BCL11B: variants seen among roughly 807,000 people sequenced by gnomAD.
BCL11B encodes the protein B-cell lymphoma/leukemia 11B.
BCL11B carries 8 observed loss-of-function variants against 49.9 expected under a neutral mutation model. That is an observed-to-expected ratio of 0.16 (90% CI 0.09 to 0.29). BCL11B has a LOEUF of 0.29. BCL11B is among the 10% of genes least tolerant of loss of function. BCL11B has a pLI of 1.00. For missense variants in BCL11B, 1,006 were observed against 1,351.0 expected, an observed-to-expected ratio of 0.74 and a Z score of 4.00; for synonymous variants, 739 against 637.4, an observed-to-expected ratio of 1.16 and a Z score of -2.40.
intron 3 of BCL11B, among the ~76,000 whole-genome samples, chr14:99,223,469 C>A (rs565348280): frequency 6.6e-6 from 1 of 152,306 alleles, no homozygotes; most frequent in South Asian, 2.1e-4. Context: ...CACAAATTCT[C>A]TGGAAGGAAC....
chr14:99,199,583 A>G (rs2139814828), intron 3 of BCL11B, among the ~76,000 whole-genome samples: 1 of 152,092 alleles, frequency 6.6e-6, no homozygotes, highest in South Asian at 2.1e-4. Context: ...ACCACAAGGC[A>G]TAATTGATTC....
Position 99,257,613 on chromosome 14 carries a change from C to T in BCL11B, c.285G>A (p.Lys95=), listed in dbSNP as rs761653466. 7.4e-6 allele frequency: 12 copies of T among 1,614,108 alleles called. No homozygotes were observed. Among genetic ancestry groups the T allele is most frequent in the Non-Finnish European group, 8.5e-6 (10 of 1,179,964 alleles). ...LGACYDKALD[K]DSPPPSSRSE... is the part of the protein sequence containing the mutation. ...AGCGTGAGGAGGGTGGCGGGCTGTC[C>T]TTGTCCAGGGCCTTGTCATAGCAGG... Residue 95 remains lysine, a synonymous_variant, in exon 2 of 4, where the codon AAG becomes AAA. Coordinates refer to ENST00000357195, the MANE Select transcript of BCL11B (RefSeq NM_138576.4). The surrounding 1 kb of genome is among the most constrained non-coding windows in gnomAD (Gnocchi z 6.2).
In BCL11B at chr14:99,181,709, C is replaced by T. The variant is rs73420774; in HGVS notation, c.641-5514G>A. Among the ~76,000 whole-genome samples the T allele has an allele frequency of 9.7e-3, 1,480 of 152,284 alleles. 25 individuals are homozygous for T. The highest frequency in any genetic ancestry group is 0.033 in the African/African-American group (1,392 of 41,560). On this transcript the variant is annotated intron_variant, in intron 3 of 3. Transcript: ENST00000357195. ...TTCACAGAGCGAGCAAGCGAGCCTG[C>T]GGGGTATGACACGTCACTGGGGACC...
At chr14:99,264,934 G>C (rs2664308) in intron 1 of BCL11B, among the ~76,000 whole-genome samples, 75,689 of 151,992 alleles carry the variant, frequency 0.5, 19,844 homozygotes, top group East Asian at 0.86. Context: ...GATGGAGCAA[G>C]AGGGGGACCG....
chr14:99,199,650 G>A (rs746146007), intron 3 of BCL11B, among the ~76,000 whole-genome samples: 5 of 79,048 alleles, frequency 6.3e-5, no homozygotes, highest in Admixed American at 5.5e-4. Flanking sequence ...CTGTGTGTGT[G>A]TGTGTGTGTG....
chr14:99,174,695 C>G lies in BCL11B; in HGVS notation c.2141G>C (p.Gly714Ala). 6.4e-7 allele frequency: 1 copy of G among 1,571,836 alleles called. No homozygotes were observed. The highest frequency in any genetic ancestry group is 8.6e-7 in the Non-Finnish European group (1 of 1,161,180). ...CATGAAGTGCCGCGACGCCGCGTAGCCCACCAGCCACTGCGAGTACACGTT... is the reference window on the plus strand; with the variant it reads ...CATGAAGTGCCGCGACGCCGCGTAGGCCACCAGCCACTGCGAGTACACGTT... ...SENVYSQWLV[G>A]YAASRHFMKD... The change falls in exon 4 of 4, where the codon GGC (glycine) becomes GCC (alanine). Residue 714 changes from glycine to alanine, a missense_variant. Transcript: ENST00000357195.
rs955264148 is a variant in BCL11B at position 99,172,002 on chromosome 14, C to T, written c.*2149G>A. The stretch of plus-strand genomic sequence containing the variant: ...CCAAAAGAAAACAATATACACGCGG[C>T]CACTGTGGCATTTTTGTATAACCTA... On this transcript the variant is annotated 3_prime_UTR_variant, in exon 4 of 4. Coordinates refer to ENST00000357195, the MANE Select transcript of BCL11B (RefSeq NM_138576.4). 3 of 208,126 alleles carry T rather than the reference C, an allele frequency of 1.4e-5. No homozygotes were observed. Among genetic ancestry groups the T allele is most frequent in the African/African-American group, 6.9e-5 (3 of 43,684 alleles). The allele number at this position is 208,126 out of a possible 1,614,324, so 12.9% of individuals were successfully genotyped here.
chr14:99,199,174 C>T (rs1887269827), intron 3 of BCL11B, among the ~76,000 whole-genome samples: 1 of 152,124 alleles, frequency 6.6e-6, no homozygotes, highest in South Asian at 2.1e-4. Flanking sequence ...ATTACCGTGA[C>T]CAGCCTAATA....
At position 99,262,562 on chromosome 14, in the gene BCL11B, G is replaced by C. The variant is rs866305052; in HGVS notation, c.59-4723C>G. Among the ~76,000 whole-genome samples, 5 of 152,180 alleles carry C rather than the reference G, an allele frequency of 3.3e-5. No individual in the cohort carries two copies. The highest frequency in any genetic ancestry group is 2.1e-4 in the South Asian group (1 of 4,828). On this transcript the variant is annotated intron_variant, in intron 1 of 3. Coordinates refer to ENST00000357195, the MANE Select transcript of BCL11B (RefSeq NM_138576.4). The surrounding 1 kb of genome is among the most constrained non-coding windows in gnomAD (Gnocchi z 4.2). The stretch of plus-strand genomic sequence containing the variant: ...CCACCAACGTCACAACCGCCATCAT[G>C]ATGTGTACGCATGTTTACAAGAAAT...
chr14:99,172,695 T>C lies in BCL11B; in HGVS notation c.*1456A>G, dbSNP rs1886329978. 1 of 216,658 alleles carries C rather than the reference T, an allele frequency of 4.6e-6. No homozygotes were observed. The highest frequency in any genetic ancestry group is 2.3e-5 in the African/African-American group (1 of 44,392). 13.4% of individuals were successfully genotyped at this position (216,658 alleles called of 1,614,324 possible). Reference sequence around the variant, plus strand: ...GCTGTCCCTTACAGTTTAACCCACCTCTGGGCCAAAGAGAAGAATATGCTG... The same window carrying C: ...GCTGTCCCTTACAGTTTAACCCACCCCTGGGCCAAAGAGAAGAATATGCTG... On this transcript the variant is annotated 3_prime_UTR_variant, in exon 4 of 4. Coordinates refer to ENST00000357195, the MANE Select transcript of BCL11B (RefSeq NM_138576.4).
chr14:99,254,995 T>C (rs904553773), intron 2 of BCL11B, among the ~76,000 whole-genome samples: 1 of 152,196 alleles, frequency 6.6e-6, no homozygotes, highest in African/African-American at 2.4e-5. Context: ...GGAATTCAAT[T>C]AAGCTAAAAT....
At chr14:99,186,143 A>T (rs572948369) in intron 3 of BCL11B, among the ~76,000 whole-genome samples, 10 of 152,210 alleles carry the variant, frequency 6.6e-5, no homozygotes, top group Non-Finnish European at 1.5e-4. Flanking sequence ...AGCAGTGTGG[A>T]ACCCAGAGGA....
In BCL11B at chr14:99,271,246, C is replaced by T; in HGVS notation, c.-28G>A. 1.3e-6 allele frequency: 2 copies of T among 1,487,178 alleles called. No individual in the cohort carries two copies. The highest frequency in any genetic ancestry group is 8.9e-7 in the Non-Finnish European group (1 of 1,121,490). The allele number at this position is 1,487,178 out of a possible 1,614,324, so 92.1% of individuals were successfully genotyped here. ...CCCCGGCATCTATTCTGGCATCGCCCGGAGAGCTGCACTGATGGGGGGAGC... is the reference window on the plus strand; with the variant it reads ...CCCCGGCATCTATTCTGGCATCGCCTGGAGAGCTGCACTGATGGGGGGAGC... On this transcript the variant is annotated 5_prime_UTR_variant, in exon 1 of 4. Transcript: ENST00000357195.
At chr14:99,207,015 A>T (rs1298310144) in intron 3 of BCL11B, among the ~76,000 whole-genome samples, 1 of 152,214 alleles carries the variant, frequency 6.6e-6, no homozygotes, top group Non-Finnish European at 1.5e-5. Flanking sequence ...GTTGATCCAA[A>T]ACTCTCTATG....
chr14:99,253,309 G>A (rs1167714844), intron 2 of BCL11B, among the ~76,000 whole-genome samples: 1 of 152,184 alleles, frequency 6.6e-6, no homozygotes, highest in African/African-American at 2.4e-5. Context: ...GAATGGACGG[G>A]AGAGAGTCTA....
At chr14:99,208,790 T>C (rs980544924) in intron 3 of BCL11B, among the ~76,000 whole-genome samples, 1 of 152,146 alleles carries the variant, frequency 6.6e-6, no homozygotes, top group Non-Finnish European at 1.5e-5. Context: ...TCTAGTTCCA[T>C]TCACCCACCC....
chr14:99,205,277 C>G lies in BCL11B; in HGVS notation c.640+26068G>C, dbSNP rs918660380. 2.6e-5 allele frequency among the ~76,000 whole-genome samples: 4 copies of G among 152,172 alleles called. No individual in the cohort carries two copies. The highest frequency in any genetic ancestry group is 5.9e-5 in the Non-Finnish European group (4 of 68,036). ...CGGCCATTTCTTCATGGAGGTGTGGCCACAGGGTCTCAGACCCTGAAAATG... is the reference window on the plus strand; with the variant it reads ...CGGCCATTTCTTCATGGAGGTGTGGGCACAGGGTCTCAGACCCTGAAAATG... On this transcript the variant is annotated intron_variant, in intron 3 of 3. Transcript: ENST00000357195. The surrounding 1 kb of genome is among the most constrained non-coding windows in gnomAD (Gnocchi z 5.0).
chr14:99,243,436 C>A (rs1888729004), intron 2 of BCL11B, among the ~76,000 whole-genome samples: 1 of 152,204 alleles, frequency 6.6e-6, no homozygotes, highest in Non-Finnish European at 1.5e-5. Flanking sequence ...AACAGTTCTC[C>A]ATTTTTATGA....
chr14:99,197,525 T>A lies in BCL11B; in HGVS notation c.641-21330A>T, dbSNP rs1595236530. ...TTTTTTTCACAAGGCAAGCCTCTCATTCATTCCTTTGGGTGTCAGAGGGTG... is the reference window on the plus strand; with the variant it reads ...TTTTTTTCACAAGGCAAGCCTCTCAATCATTCCTTTGGGTGTCAGAGGGTG... On this transcript the variant is annotated intron_variant, in intron 3 of 3. Transcript: ENST00000357195. 3.3e-5 allele frequency among the ~76,000 whole-genome samples: 5 copies of A among 152,250 alleles called. No homozygotes were observed. In the South Asian group the frequency reaches 1.0e-3, roughly 32 times the overall value.
Sources: allele counts gnomAD v4.1 joint callset (sites outside exome capture counted in the v4.1 genomes callset), GRCh38; gene constraint gnomAD v4.1.1; non-coding constraint Gnocchi (gnomAD v3.1); transcripts MANE v1.5; gene names NCBI Gene and HGNC (gene_info 2026-07-23, HGNC 2026-07-21).